Variants in KCNIP4 observed in about 807,000 individuals in gnomAD.
The protein encoded by KCNIP4 is potassium voltage-gated channel interacting protein 4, also known as Kv channel-interacting protein 4.
Under a neutral mutation model 34.0 loss-of-function variants are expected in KCNIP4, and 12 were observed. That is an observed-to-expected ratio of 0.35 (90% CI 0.23 to 0.57). The LOEUF (loss-of-function observed/expected upper bound fraction) is 0.57. KCNIP4 is among the 20% of genes least tolerant of loss of function. KCNIP4 has a pLI of 0.83. For synonymous variants in KCNIP4, 124 were observed against 102.2 expected, an observed-to-expected ratio of 1.21 and a Z score of -1.29; for missense variants, 238 against 311.7, an observed-to-expected ratio of 0.76 and a Z score of 1.78.
intron 1 of KCNIP4, among the ~76,000 whole-genome samples, chr4:21,010,440 T>G (rs1249198451): frequency 6.6e-6 from 1 of 152,214 alleles, no homozygotes; most frequent in Non-Finnish European, 1.5e-5. Context: ...GCACCTTTTT[T>G]TAATTCCCCA....
Position 20,772,346 on chromosome 4 carries a change from G to GTT in KCNIP4, c.289-13457_289-13456insAA, listed in dbSNP as rs1443679357. On this transcript the variant is annotated intron_variant, in intron 3 of 8. Transcript: ENST00000382152. ...CAAGCACTTGACTACGCACAGGAGCGTAACGGTTAATCAACAAGCATGGCC... is the reference window on the plus strand; with the variant it reads ...CAAGCACTTGACTACGCACAGGAGCGTTTAACGGTTAATCAACAAGCATGGCC... Among the ~76,000 whole-genome samples the GTT allele has an allele frequency of 6.6e-5, 10 of 152,258 alleles. No individual in the cohort carries two copies. In the South Asian group the frequency reaches 1.2e-3, roughly 19 times the overall value.
At chr4:21,462,084 A>G (rs946372148) in intron 1 of KCNIP4, among the ~76,000 whole-genome samples, 2 of 152,186 alleles carry the variant, frequency 1.3e-5, no homozygotes, top group South Asian at 4.1e-4. Flanking sequence ...GTTTTGAAAT[A>G]AACAATACAT....
intron 1 of KCNIP4, among the ~76,000 whole-genome samples, chr4:21,875,193 A>T (rs903872538): frequency 1.3e-5 from 2 of 152,216 alleles, no homozygotes; most frequent in African/African-American, 4.8e-5. Flanking sequence ...CACGATGCAG[A>T]CTTGGGTCTG....
intron 1 of KCNIP4, among the ~76,000 whole-genome samples, chr4:21,822,778 C>T (rs987372739): frequency 2.8e-5 from 4 of 143,532 alleles, no homozygotes; most frequent in East Asian, 4.2e-4. Flanking sequence ...AGCGCGGTGG[C>T]GCAATCTTGG....
chr4:21,094,736 G>A (rs1030557709), intron 1 of KCNIP4, among the ~76,000 whole-genome samples: 1 of 152,206 alleles, frequency 6.6e-6, no homozygotes, highest in African/African-American at 2.4e-5. Context: ...TCTGGGGAAA[G>A]GCAGCTGCCA....
At chr4:21,322,638 T>C (rs917747525) in intron 1 of KCNIP4, among the ~76,000 whole-genome samples, 1 of 152,100 alleles carries the variant, frequency 6.6e-6, no homozygotes, top group Non-Finnish European at 1.5e-5. Flanking sequence ...TCTTCTACTG[T>C]ATAAATGGTG....
chr4:21,658,453 T>C (rs1337837533), intron 1 of KCNIP4, among the ~76,000 whole-genome samples: 6 of 152,100 alleles, frequency 3.9e-5, no homozygotes, highest in Non-Finnish European at 7.4e-5. Flanking sequence ...TCTCACTGTA[T>C]TGCCCAGGCT....
At chr4:21,446,446 A>G (rs545734970) in intron 1 of KCNIP4, among the ~76,000 whole-genome samples, 1 of 152,132 alleles carries the variant, frequency 6.6e-6, no homozygotes, top group South Asian at 2.1e-4. Context: ...ATGCAGCCAT[A>G]AAAAAGGAAT....
chr4:21,862,827 G>T (rs1236861033), intron 1 of KCNIP4, among the ~76,000 whole-genome samples: 3 of 152,230 alleles, frequency 2.0e-5, no homozygotes, highest in East Asian at 1.9e-4. Flanking sequence ...CGGGCGTGGT[G>T]GCAGGCACCT....
At chr4:21,605,144 G>A (rs1329137452) in intron 1 of KCNIP4, among the ~76,000 whole-genome samples, 1 of 152,158 alleles carries the variant, frequency 6.6e-6, no homozygotes, top group Non-Finnish European at 1.5e-5. Flanking sequence ...GAAGCTAAGA[G>A]ACCAAGGATG....
intron 3 of KCNIP4, among the ~76,000 whole-genome samples, chr4:20,798,469 C>T (rs1343275168): frequency 3.3e-5 from 5 of 151,798 alleles, no homozygotes; most frequent in African/African-American, 4.8e-5. Context: ...AGATGGCTAT[C>T]TAGAAGCTCC....
At chr4:21,114,880 T>C (rs1417137233) in intron 1 of KCNIP4, among the ~76,000 whole-genome samples, 1 of 152,190 alleles carries the variant, frequency 6.6e-6, no homozygotes, top group Non-Finnish European at 1.5e-5. Flanking sequence ...TTGGCAGCAG[T>C]ATAAAGTCAC....
chr4:21,389,935 C>A (rs971741116), intron 1 of KCNIP4, among the ~76,000 whole-genome samples: 1 of 150,866 alleles, frequency 6.6e-6, no homozygotes, highest in South Asian at 2.1e-4. Context: ...AAAAGTGTTT[C>A]TATTTCTCCA....
intron 1 of KCNIP4, among the ~76,000 whole-genome samples, chr4:21,833,931 G>A (rs1291743452): frequency 2.0e-5 from 3 of 152,006 alleles, no homozygotes; most frequent in Admixed American, 6.5e-5. Context: ...TGAGGGCTCT[G>A]TTCTGTTCCA....
chr4:20,963,572 A>G (rs2149664148), intron 1 of KCNIP4, among the ~76,000 whole-genome samples: 1 of 152,320 alleles, frequency 6.6e-6, no homozygotes, highest in Admixed American at 6.5e-5. Flanking sequence ...AAAAAAAAGT[A>G]GTGCATGTTT....
intron 3 of KCNIP4, 54 bp downstream of exon 3, chr4:20,850,489 C>A: frequency 6.3e-7 from 1 of 1,584,518 alleles, no homozygotes; most frequent in Non-Finnish European, 8.6e-7. Flanking sequence ...CCTCTCATTT[C>A]TCAATGCTCC....
intron 1 of KCNIP4, among the ~76,000 whole-genome samples, chr4:21,904,003 T>C (rs1727852273): frequency 6.6e-6 from 1 of 152,196 alleles, no homozygotes; most frequent in South Asian, 2.1e-4. Flanking sequence ...ACAACGTAGA[T>C]AATGGATTAA....
Position 20,910,642 on chromosome 4 carries a change from A to G in KCNIP4, c.62-27933T>C, listed in dbSNP as rs953787072. 2.6e-5 allele frequency among the ~76,000 whole-genome samples: 4 copies of G among 152,260 alleles called. No individual in the cohort carries two copies. The East Asian group carries it at 7.7e-4, about 29-fold the overall frequency. Reference sequence around the variant, plus strand: ...CATCTCCCTGGTCCTTTTGTCCAGGAGTTCAGTACTTTCACGGCAGCCTCT... The same window carrying G: ...CATCTCCCTGGTCCTTTTGTCCAGGGGTTCAGTACTTTCACGGCAGCCTCT... On this transcript the variant is annotated intron_variant, in intron 1 of 8. Transcript: ENST00000382152.
At chr4:21,743,873 T>C (rs1019869557) in intron 1 of KCNIP4, among the ~76,000 whole-genome samples, 13 of 150,488 alleles carry the variant, frequency 8.6e-5, no homozygotes, top group Middle Eastern at 3.4e-3. Context: ...CCATAGTTAA[T>C]GGAATTTTGA....
Sources: gnomAD v4.1 joint callset for allele counts (sites outside exome capture counted in the v4.1 genomes callset) on GRCh38, gnomAD v4.1.1 for gene constraint, MANE v1.5 for transcripts, NCBI Gene and HGNC (gene_info 2026-07-23, HGNC 2026-07-21) for gene names.